MCPH1: variants seen among roughly 807,000 people sequenced by gnomAD.
The protein encoded by MCPH1 is microcephalin.
MCPH1 carries 104 observed loss-of-function variants against 84.5 expected under a neutral mutation model. The observed-to-expected ratio is 1.23, with a 90% CI of 1.05 to 1.45. MCPH1 has a LOEUF of 1.45. Among genes scored for constraint, MCPH1 ranks in the 40% most tolerant of loss-of-function variants. The probability of loss-of-function intolerance (pLI) is 0.00; values close to 1 mark genes in which losing one functional copy is unlikely to be tolerated. For missense variants in MCPH1, 1,498 were observed against 1,005.7 expected (o/e 1.49, Z -6.62); for synonymous variants, 514 against 366.8 (o/e 1.40, Z -4.58).
At position 6,647,153 on chromosome 8, in the gene MCPH1, A is replaced by C. The variant is rs1798253642; in HGVS notation, c.*4104A>C. 6.6e-6 allele frequency: 1 copy of C among 152,260 alleles called. No individual in the cohort carries two copies. Among genetic ancestry groups the C allele is most frequent in the Non-Finnish European group, 1.5e-5 (1 of 68,048 alleles). The allele number at this position is 152,260 out of a possible 1,614,324, so 9.4% of individuals were successfully genotyped here. On this transcript the variant is annotated 3_prime_UTR_variant, in exon 14 of 14. Transcript: ENST00000344683. ...AGACAATTCATGCAAGAAGATATAC[A>C]AATATTAAGCACATTAAAATGCTCA...
chr8:6,441,653 A>G (rs1803529304), intron 6 of MCPH1, among the ~76,000 whole-genome samples: 1 of 152,188 alleles, frequency 6.6e-6, no homozygotes, highest in Admixed American at 6.5e-5. Context: ...TGTGTGTGGT[A>G]GGAAGCTCAG....
At position 6,480,844 on chromosome 8, in the gene MCPH1, G is replaced by T. The variant is rs377336996; in HGVS notation, c.2104G>T (p.Ala702Ser). ...LRTLNVLLGI[A>S]RGCWVLSYDW... The stretch of plus-strand genomic sequence containing the variant: ...CACCCTGAATGTGCTGCTGGGAATT[G>T]CGCGTGGCTGCTGGGTTCTCTCTTA... Residue 702 changes from alanine (A) to serine (S), a missense_variant, in exon 11 of 14, where the codon GCG (alanine) becomes TCG (serine). Physicochemically the swap from Ala to Ser is moderately conservative, Grantham distance 99. Coordinates refer to ENST00000344683, the MANE Select transcript of MCPH1 (RefSeq NM_024596.5). 8.1e-6 allele frequency: 13 copies of T among 1,614,222 alleles called. No homozygotes were observed. Among genetic ancestry groups the T allele is most frequent in the Non-Finnish European group, 1.1e-5 (13 of 1,180,048 alleles).
At chr8:6,447,740 T>TA (rs1340744167) in intron 8 of MCPH1, among the ~76,000 whole-genome samples, 1 of 152,076 alleles carries the variant, frequency 6.6e-6, no homozygotes, top group South Asian at 2.1e-4. Flanking sequence ...TTAGTAGAGA[T>TA]GGGGTTTCAC....
intron 13 of MCPH1, among the ~76,000 whole-genome samples, chr8:6,630,094 G>T (rs530535861): frequency 4.4e-4 from 67 of 152,236 alleles, no homozygotes; most frequent in African/African-American, 1.5e-3. Context: ...CAAATGGATG[G>T]CAGTAAAGTA....
chr8:6,446,384 C>T (rs1249285477), intron 8 of MCPH1: 5 of 984,654 alleles, frequency 5.1e-6, no homozygotes, highest in Admixed American at 6.1e-5. Flanking sequence ...GTTTTAACTG[C>T]CTCTTTGAAG....
chr8:6,528,999 T>C (rs1426186290), intron 12 of MCPH1, among the ~76,000 whole-genome samples: 1 of 152,218 alleles, frequency 6.6e-6, no homozygotes, highest in Non-Finnish European at 1.5e-5. Context: ...AAACATTCTA[T>C]GTTGGTTATT....
At chr8:6,575,671 G>A (rs1827016152) in intron 12 of MCPH1, among the ~76,000 whole-genome samples, 1 of 152,150 alleles carries the variant, frequency 6.6e-6, no homozygotes, top group African/African-American at 2.4e-5. Context: ...TTCGGAAGTA[G>A]GGCCATTGCA....
At chr8:6,446,701 CT>C in intron 8 of MCPH1, 3 of 985,082 alleles carry the variant, frequency 3.0e-6, no homozygotes, top group Non-Finnish European at 3.6e-6. Flanking sequence ...GGTTTACATT[CT>C]CCATCTTTCC....
chr8:6,426,363 C>T (rs886767798), intron 3 of MCPH1, among the ~76,000 whole-genome samples: 1 of 152,212 alleles, frequency 6.6e-6, no homozygotes, highest in Non-Finnish European at 1.5e-5. Flanking sequence ...CTCCTCCCAC[C>T]CCAGGGCAGC....
At chr8:6,630,102 G>C (rs1563215955) in intron 13 of MCPH1, among the ~76,000 whole-genome samples, 1 of 152,166 alleles carries the variant, frequency 6.6e-6, no homozygotes, top group Non-Finnish European at 1.5e-5. Flanking sequence ...TGGCAGTAAA[G>C]TAATCCTGAA....
At chr8:6,444,255 G>T in intron 7 of MCPH1, 138 bp from the exon 8 acceptor site, 1 of 980,192 alleles carries the variant, frequency 1.0e-6, no homozygotes, top group Non-Finnish European at 1.5e-6. Flanking sequence ...AAGTGGAAAT[G>T]AGAAGAACTC....
At chr8:6,418,622 C>T (rs376273272) in intron 3 of MCPH1, among the ~76,000 whole-genome samples, 21 of 151,978 alleles carry the variant, frequency 1.4e-4, no homozygotes, top group Middle Eastern at 3.4e-3. Flanking sequence ...CTCGCTCTGT[C>T]GCCAGGCTGG....
chr8:6,493,235 G>A (rs1242155864), intron 11 of MCPH1, among the ~76,000 whole-genome samples: 1 of 152,152 alleles, frequency 6.6e-6, no homozygotes, highest in Non-Finnish European at 1.5e-5. Flanking sequence ...TTTATAAAGT[G>A]AATATTACTG....
chr8:6,498,768 C>T (rs1439170341), intron 11 of MCPH1, among the ~76,000 whole-genome samples: 24 of 152,014 alleles, frequency 1.6e-4, no homozygotes, highest in Admixed American at 6.6e-5. Flanking sequence ...TTGTGGGGAG[C>T]CTCACATATT....
At chr8:6,578,737 C>G (rs781305159) in intron 12 of MCPH1, among the ~76,000 whole-genome samples, 9 of 152,146 alleles carry the variant, frequency 5.9e-5, no homozygotes, top group Middle Eastern at 3.2e-3. Context: ...CAGGTCTGAG[C>G]AAATGTGCCA....
intron 11 of MCPH1, among the ~76,000 whole-genome samples, chr8:6,483,617 C>A (rs1809497315): frequency 6.6e-6 from 1 of 152,120 alleles, no homozygotes. Flanking sequence ...GAAAAGGAAC[C>A]TTCCCAACAC....
In MCPH1 at chr8:6,444,955, A is replaced by G. The variant is rs201026769; in HGVS notation, c.1233A>G (p.Ser411=). The change falls in exon 8 of 14, where the codon TCA becomes TCG. Residue 411 remains serine (S), a synonymous_variant. Coordinates refer to ENST00000344683, the MANE Select transcript of MCPH1 (RefSeq NM_024596.5). The part of the protein sequence containing the change: ...ALEALSCGES[S]YDDYFSPDNL... ...AGGCTCTTAGCTGTGGGGAGTCTTC[A>G]TATGATGACTATTTTTCACCTGATA... The G allele has an allele frequency of 3.9e-4, 633 of 1,614,218 alleles. 9 individuals carry two copies. The South Asian group carries it at 4.8e-3, about 12-fold the overall frequency.
chr8:6,572,386 CTTGTAATACTCACT>C (rs1198019059), intron 12 of MCPH1, among the ~76,000 whole-genome samples: 1 of 152,138 alleles, frequency 6.6e-6, no homozygotes, highest in Non-Finnish European at 1.5e-5. Flanking sequence ...ATCAAATCCA[CTTGTAATACTCACT>C]AGCTCCCTCT....
intron 12 of MCPH1, among the ~76,000 whole-genome samples, chr8:6,596,583 G>A (rs3020249): frequency 0.35 from 53,463 of 151,874 alleles, 9,737 homozygotes; most frequent in East Asian, 0.5. Flanking sequence ...TGGAGCCAGC[G>A]TGGAGGTGCA....
Sources: gnomAD v4.1 joint callset for allele counts (sites outside exome capture counted in the v4.1 genomes callset) on GRCh38, gnomAD v4.1.1 for gene constraint, MANE v1.5 for transcripts, NCBI Gene and HGNC (gene_info 2026-07-23, HGNC 2026-07-21) for gene names.